FRMPD4: variants seen among roughly 807,000 people sequenced by gnomAD.
FRMPD4 encodes the protein FERM and PDZ domain containing 4.
In FRMPD4, 22 loss-of-function variants were observed where a neutral mutation model predicts 94.1. The ratio of observed to expected loss-of-function variants is 0.23; its 90% CI spans 0.17 to 0.33. FRMPD4 has a LOEUF of 0.33. Ranked by LOEUF, FRMPD4 falls within the 10% of genes least tolerant of loss-of-function variation. The pLI is 1.00. For missense variants in FRMPD4, 1,111 were observed against 1,339.9 expected, an observed-to-expected ratio of 0.83 and a Z score of 2.67; for synonymous variants, 631 against 548.6, an observed-to-expected ratio of 1.15 and a Z score of -2.10.
intron 1 of FRMPD4, among the ~76,000 whole-genome samples, chrX:12,297,004 T>C (rs896524529): frequency 8.9e-6 from 1 of 112,442 alleles, no homozygotes; most frequent in African/African-American, 3.2e-5. Context: ...CTCACACTTA[T>C]CTGAGTGTTT....
chrX:12,030,894 C>T (rs1407255991), intron 3 of FRMPD4, among the ~76,000 whole-genome samples: 1 of 112,182 alleles, frequency 8.9e-6, no homozygotes, highest in Non-Finnish European at 1.9e-5. Flanking sequence ...TTCTAAGGTA[C>T]TCTAACAGAT....
intron 3 of FRMPD4, among the ~76,000 whole-genome samples, chrX:12,117,193 C>A (rs779454376): frequency 7.2e-5 from 8 of 111,688 alleles, no homozygotes; most frequent in Non-Finnish European, 1.5e-4. Context: ...TGATCTTGGG[C>A]AAACACTTTT....
intron 1 of FRMPD4, among the ~76,000 whole-genome samples, chrX:12,266,022 A>G (rs769102594): frequency 9.6e-6 from 1 of 104,072 alleles, no homozygotes; most frequent in Non-Finnish European, 2.0e-5. Flanking sequence ...AGTCCCAGCT[A>G]TTCGGGAGCC....
intron 1 of FRMPD4, among the ~76,000 whole-genome samples, chrX:12,210,119 A>C (rs1404137719): frequency 8.9e-6 from 1 of 112,053 alleles, no homozygotes; most frequent in Non-Finnish European, 1.9e-5. Flanking sequence ...TCCTAAATCC[A>C]TGCACAAAAC....
intron 3 of FRMPD4, among the ~76,000 whole-genome samples, chrX:12,115,967 G>T (rs2055405424): frequency 8.9e-6 from 1 of 111,987 alleles, no homozygotes. Context: ...ATGGCCTGTT[G>T]CCACTAACAT....
chrX:12,392,719 TCCTTC>T (rs1188785079), intron 1 of FRMPD4, among the ~76,000 whole-genome samples: 3 of 111,096 alleles, frequency 2.7e-5, no homozygotes, highest in African/African-American at 9.8e-5. Flanking sequence ...CTTCCTTCCT[TCCTTC>T]CTATGTCTGT....
At chrX:11,955,427 G>C (rs2054250099) in intron 3 of FRMPD4, among the ~76,000 whole-genome samples, 1 of 110,478 alleles carries the variant, frequency 9.1e-6, no homozygotes, top group Non-Finnish European at 1.9e-5. Flanking sequence ...AGGAGTTAGA[G>C]TCCAGCTTGG....
intron 3 of FRMPD4, among the ~76,000 whole-genome samples, chrX:11,966,726 C>T (rs1040117851): frequency 1.8e-5 from 2 of 112,024 alleles, no homozygotes; most frequent in African/African-American, 3.2e-5. Flanking sequence ...TTTTCTTCCC[C>T]TCATTTAACC....
chrX:12,234,498 A>G (rs1176355064), intron 1 of FRMPD4, among the ~76,000 whole-genome samples: 1 of 111,039 alleles, frequency 9.0e-6, no homozygotes, highest in Admixed American at 9.6e-5. Flanking sequence ...GTCGTTGAAC[A>G]TTTGCCATGG....
intron 3 of FRMPD4, among the ~76,000 whole-genome samples, chrX:12,092,754 A>C (rs746208373): frequency 8.9e-6 from 1 of 111,812 alleles, no homozygotes; most frequent in South Asian, 3.8e-4. Context: ...CAATCACCTA[A>C]GTATTGGGAC....
intron 3 of FRMPD4, among the ~76,000 whole-genome samples, chrX:11,964,399 C>T (rs2054299923): frequency 9.0e-6 from 1 of 110,745 alleles, no homozygotes; most frequent in Admixed American, 9.6e-5. Context: ...TGACCTCGGC[C>T]TCCCAAAGTG....
At position 12,717,148 on chromosome X, in the gene FRMPD4, G is replaced by C. The variant is rs2042106298; in HGVS notation, c.2674+15G>C. 3 of 1,049,222 alleles carry C rather than the reference G, an allele frequency of 2.9e-6. No individual in the cohort carries two copies. The highest frequency in any genetic ancestry group is 3.9e-6 in the Non-Finnish European group (3 of 769,019). The allele number at this position is 1,049,222 out of a possible 1,213,427, so 86.5% of individuals were successfully genotyped here. On this transcript the variant is annotated intron_variant, in intron 15 of 16. Transcript: ENST00000675598. The stretch of plus-strand genomic sequence containing the variant: ...TGACAATTCAGGTTCTTTCACAATT[G>C]TTACATTCATTCACTGATAACCATA...
At chrX:12,514,645 T>C (rs1265940682) in intron 2 of FRMPD4, among the ~76,000 whole-genome samples, 1 of 112,123 alleles carries the variant, frequency 8.9e-6, no homozygotes, top group Non-Finnish European at 1.9e-5. Context: ...TGCCTCGATG[T>C]TCATCAGGGA....
intron 1 of FRMPD4, among the ~76,000 whole-genome samples, chrX:12,143,391 G>T (rs2055718250): frequency 8.9e-6 from 1 of 112,367 alleles, no homozygotes. Context: ...CATAAATAAA[G>T]TTTTATTGGA....
At chrX:12,032,694 C>T (rs1023853658) in intron 3 of FRMPD4, among the ~76,000 whole-genome samples, 1 of 112,349 alleles carries the variant, frequency 8.9e-6, no homozygotes, top group African/African-American at 3.2e-5. Flanking sequence ...AGAACACCTT[C>T]TGGCATAAGC....
At chrX:12,560,719 C>A (rs892383698) in intron 2 of FRMPD4, among the ~76,000 whole-genome samples, 1 of 97,677 alleles carries the variant, frequency 1.0e-5, no homozygotes, top group Non-Finnish European at 2.0e-5. Flanking sequence ...AGGGTTCTCC[C>A]TAGTGTATGC....
intron 3 of FRMPD4, among the ~76,000 whole-genome samples, chrX:11,885,786 T>G (rs1454507700): frequency 1.8e-5 from 2 of 111,204 alleles, no homozygotes; most frequent in Non-Finnish European, 3.8e-5. Flanking sequence ...TTAAGCATTT[T>G]CCTGGGAGAA....
intron 3 of FRMPD4, among the ~76,000 whole-genome samples, chrX:12,111,183 C>T (rs1470184242): frequency 3.6e-5 from 4 of 111,860 alleles, no homozygotes; most frequent in African/African-American, 1.3e-4. Context: ...TACAAGGCTA[C>T]AGTAACCAAA....
At chrX:12,016,607 G>GA (rs912884553) in intron 3 of FRMPD4, among the ~76,000 whole-genome samples, 4 of 110,135 alleles carry the variant, frequency 3.6e-5, no homozygotes, top group Non-Finnish European at 7.6e-5. Context: ...TTAGCTAAAG[G>GA]AAAAAAAAAT....
Sources: gnomAD v4.1 joint callset for allele counts (sites outside exome capture counted in the v4.1 genomes callset) on GRCh38, gnomAD v4.1.1 for gene constraint, MANE v1.5 for transcripts, NCBI Gene and HGNC (gene_info 2026-07-23, HGNC 2026-07-21) for gene names.